NME7: variants seen among roughly 807,000 people sequenced by gnomAD.
The protein encoded by NME7 is NME/NM23 family member 7.
A neutral mutation model predicts 49.1 loss-of-function variants in NME7; 41 were observed. The observed-to-expected ratio is 0.83, with a 90% CI of 0.65 to 1.08. The LOEUF is 1.08. NME7 is among the 50% of genes least tolerant of loss of function. NME7 has a pLI of 0.00. For synonymous variants in NME7, 139 were observed against 150.6 expected (o/e 0.92, Z 0.56); for missense variants, 423 against 463.4 (o/e 0.91, Z 0.80).
Position 169,313,355 on chromosome 1 carries a change from A to C in NME7, c.279-3275T>G, listed in dbSNP as rs193220441. On this transcript the variant is annotated intron_variant, in intron 3 of 11. Coordinates refer to ENST00000367811, the MANE Select transcript of NME7 (RefSeq NM_013330.5). ...AGAACCCAAGAGATGATCCTTCCTA[A>C]AATAATTTGGACCCAAAGGCTATAC... is the stretch of plus-strand genomic sequence containing the variant. Among the ~76,000 whole-genome samples the C allele has an allele frequency of 1.3e-3, 205 of 152,176 alleles. 1 individual carries two copies. The highest frequency in any genetic ancestry group is 4.8e-3 in the African/African-American group (200 of 41,530).
At chr1:169,287,433 G>A (rs1368891583) in intron 6 of NME7, 25 bp from the exon 7 acceptor site, 4 of 1,480,858 alleles carry the variant, frequency 2.7e-6, no homozygotes, top group Non-Finnish European at 3.7e-6. Flanking sequence ...AAATGATTTT[G>A]ACAAATGTGA....
chr1:169,278,594 T>C (rs370009767), intron 7 of NME7, among the ~76,000 whole-genome samples: 22 of 152,218 alleles, frequency 1.4e-4, no homozygotes, highest in African/African-American at 4.3e-4. Context: ...TCGTCGAAAT[T>C]TTTTTCAAAG....
intron 10 of NME7, among the ~76,000 whole-genome samples, chr1:169,201,925 A>G (rs542277626): frequency 1.3e-4 from 20 of 152,266 alleles, no homozygotes; most frequent in Admixed American, 9.8e-4. Flanking sequence ...TGAAAACAGA[A>G]TTCCAAGAAA....
intron 10 of NME7, among the ~76,000 whole-genome samples, chr1:169,214,020 C>A (rs923067823): frequency 6.6e-6 from 1 of 152,028 alleles, no homozygotes; most frequent in Non-Finnish European, 1.5e-5. Flanking sequence ...ACAAGCATAT[C>A]TTTTGAAGAT....
chr1:169,271,121 T>A (rs1360753766), intron 7 of NME7, among the ~76,000 whole-genome samples: 1 of 133,406 alleles, frequency 7.5e-6, no homozygotes, highest in African/African-American at 2.5e-5. Flanking sequence ...TTCCCACAAT[T>A]TATCTCACAG....
At chr1:169,271,986 T>C (rs1239802372) in intron 7 of NME7, among the ~76,000 whole-genome samples, 1 of 131,690 alleles carries the variant, frequency 7.6e-6, no homozygotes, top group African/African-American at 2.6e-5. Flanking sequence ...TTCAAAATGG[T>C]CTTAAATTAT....
intron 7 of NME7, among the ~76,000 whole-genome samples, chr1:169,265,907 T>C (rs1441742927): frequency 2.3e-5 from 3 of 131,648 alleles, no homozygotes; most frequent in Non-Finnish European, 5.3e-5. Flanking sequence ...CTCCCAACAC[T>C]GAACCAAGAA....
intron 11 of NME7, among the ~76,000 whole-genome samples, chr1:169,167,531 A>G (rs1276693133): frequency 6.6e-6 from 1 of 152,178 alleles, no homozygotes; most frequent in Non-Finnish European, 1.5e-5. Flanking sequence ...TTAAAAAAAT[A>G]AAATATTTAT....
intron 10 of NME7, among the ~76,000 whole-genome samples, chr1:169,173,070 G>C (rs1199128262): frequency 6.6e-6 from 1 of 152,158 alleles, no homozygotes; most frequent in East Asian, 1.9e-4. Flanking sequence ...AAATAAGGGT[G>C]GGGGCTGTGG....
At chr1:169,134,199 T>C (rs770502757) in intron 11 of NME7, among the ~76,000 whole-genome samples, 1 of 152,238 alleles carries the variant, frequency 6.6e-6, no homozygotes, top group Non-Finnish European at 1.5e-5. Flanking sequence ...GTGAGAGATC[T>C]ATCAGTGAAC....
intron 10 of NME7, among the ~76,000 whole-genome samples, chr1:169,210,603 C>CACAT (rs1660783855): frequency 6.6e-6 from 1 of 152,026 alleles, no homozygotes. Flanking sequence ...CACACACACA[C>CACAT]ACACACTCCA....
intron 1 of NME7, among the ~76,000 whole-genome samples, chr1:169,328,896 C>G (rs1433387349): frequency 6.6e-6 from 1 of 152,162 alleles, no homozygotes; most frequent in Non-Finnish European, 1.5e-5. Flanking sequence ...TTTTCAAATA[C>G]ATGTAAAGCC....
intron 7 of NME7, among the ~76,000 whole-genome samples, chr1:169,276,378 G>C (rs548195762): frequency 2.5e-4 from 33 of 133,292 alleles, no homozygotes; most frequent in African/African-American, 7.6e-4. Flanking sequence ...TGTTATTGGT[G>C]TATTCAGAGA....
In NME7 at chr1:169,237,815, C is replaced by T. The variant is rs993549184; in HGVS notation, c.755-128G>A. The T allele has an allele frequency of 1.3e-5, 8 of 623,148 alleles. No individual in the cohort carries two copies. The Admixed American group carries it at 1.8e-4, about 14-fold the overall frequency. The allele number at this position is 623,148 out of a possible 1,614,324, so 38.6% of individuals were successfully genotyped here. On this transcript the variant is annotated intron_variant, in intron 7 of 11. Coordinates refer to ENST00000367811, the MANE Select transcript of NME7 (RefSeq NM_013330.5). The stretch of plus-strand genomic sequence containing the variant: ...TATATTTAAAAAAACACATATTTTG[C>T]AAGAGAAACTAAATTAAATCCCTAA...
At chr1:169,278,595 T>C (rs1023649237) in intron 7 of NME7, among the ~76,000 whole-genome samples, 2 of 152,224 alleles carry the variant, frequency 1.3e-5, no homozygotes, top group Non-Finnish European at 2.9e-5. Flanking sequence ...CGTCGAAATT[T>C]TTTTCAAAGT....
intron 10 of NME7, among the ~76,000 whole-genome samples, chr1:169,221,368 G>A (rs6675220): frequency 0.07 from 10,635 of 152,008 alleles, 1,478 homozygotes; most frequent in East Asian, 0.66. Flanking sequence ...AAGTCATTAT[G>A]AGGACCTATG....
intron 11 of NME7, among the ~76,000 whole-genome samples, chr1:169,137,462 G>A (rs754388181): frequency 3.3e-5 from 5 of 152,196 alleles, no homozygotes; most frequent in Non-Finnish European, 4.4e-5. Flanking sequence ...AGAGTTGGGC[G>A]GGTTGGGGAA....
At chr1:169,277,262 G>C (rs1377137131) in intron 7 of NME7, among the ~76,000 whole-genome samples, 1 of 143,070 alleles carries the variant, frequency 7.0e-6, no homozygotes, top group Non-Finnish European at 1.5e-5. Context: ...CTGTCTCGTT[G>C]ATCTGTCTAA....
intron 7 of NME7, among the ~76,000 whole-genome samples, chr1:169,268,421 C>T (rs981935208): frequency 7.5e-6 from 1 of 133,978 alleles, no homozygotes; most frequent in Admixed American, 7.3e-5. Context: ...CCATTTGACA[C>T]AGCAATCCCA....
Sources: allele counts gnomAD v4.1 joint callset (sites outside exome capture counted in the v4.1 genomes callset), GRCh38; gene constraint gnomAD v4.1.1; transcripts MANE v1.5; gene names NCBI Gene and HGNC (gene_info 2026-07-23, HGNC 2026-07-21).